The following LRGUK variants were observed in gnomAD, a reference collection of about 807,000 sequenced individuals.
LRGUK encodes the protein leucine rich repeats and guanylate kinase domain containing, also known as leucine-rich repeat and guanylate kinase domain-containing protein.
A neutral mutation model predicts 76.0 loss-of-function variants in LRGUK; 65 were observed. The observed-to-expected ratio is 0.85, with a 90% CI of 0.70 to 1.05. The LOEUF (loss-of-function observed/expected upper bound fraction) is 1.05, where lower values mean the gene tolerates loss of function less well. Ranked by LOEUF, LRGUK falls within the 50% of genes least tolerant of loss-of-function variation. The probability of loss-of-function intolerance (pLI) is 0.00; values close to 1 mark genes in which losing one functional copy is unlikely to be tolerated. For missense variants in LRGUK, 758 were observed against 732.8 expected, an observed-to-expected ratio of 1.03 and a Z score of -0.40; for synonymous variants, 268 against 265.6, an observed-to-expected ratio of 1.01 and a Z score of -0.09.
chr7:134,184,643 C>G (rs993840555), intron 11 of LRGUK, among the ~76,000 whole-genome samples: 1 of 152,192 alleles, frequency 6.6e-6, no homozygotes, highest in Non-Finnish European at 1.5e-5. Flanking sequence ...CTGCTTCCCC[C>G]ACCCACCACA....
chr7:134,261,686 G>A (rs557415218), intron 19 of LRGUK, among the ~76,000 whole-genome samples: 83 of 152,288 alleles, frequency 5.5e-4, no homozygotes, highest in Non-Finnish European at 1.0e-3. Flanking sequence ...AAGATACATT[G>A]TATCAGTGGT....
At chr7:134,247,619 C>A (rs904822938) in exon 17 of LRGUK, 5 of 1,613,430 alleles carry the variant, frequency 3.1e-6, no homozygotes, top group Non-Finnish European at 4.2e-6. Context: ...AAGGATACGC[C>A]CTGATCACAC....
intron 19 of LRGUK, among the ~76,000 whole-genome samples, chr7:134,259,246 G>A (rs1201315144): frequency 1.3e-5 from 2 of 152,164 alleles, no homozygotes; most frequent in Admixed American, 1.3e-4. Context: ...TCTGGGCTCC[G>A]CGGCAGTGTT....
intron 15 of LRGUK, among the ~76,000 whole-genome samples, chr7:134,217,133 T>G (rs1026132463): frequency 6.6e-6 from 1 of 151,410 alleles, no homozygotes; most frequent in African/African-American, 2.4e-5. Context: ...GTCAAGTAAC[T>G]ACTTCATTAA....
intron 12 of LRGUK, among the ~76,000 whole-genome samples, chr7:134,194,121 G>A (rs1350184133): frequency 6.6e-6 from 1 of 152,110 alleles, no homozygotes; most frequent in Non-Finnish European, 1.5e-5. Context: ...TATTTATTAG[G>A]AAATCCATAT....
At chr7:134,191,828 A>G (rs1585526790) in intron 12 of LRGUK, 77 bp downstream of exon 12, 2 of 1,012,930 alleles carry the variant, frequency 2.0e-6, no homozygotes, top group East Asian at 5.3e-5. Flanking sequence ...ATAGTTATAA[A>G]TAAAAAAAGG....
chr7:134,260,179 TCAC>T (rs1483047017), intron 19 of LRGUK, among the ~76,000 whole-genome samples: 1 of 152,012 alleles, frequency 6.6e-6, no homozygotes, highest in Non-Finnish European at 1.5e-5. Context: ...TATGGTATTA[TCAC>T]ATATAACTAT....
chr7:134,184,607 A>G lies in LRGUK; in HGVS notation c.1334+754A>G, dbSNP rs150020949. On this transcript the variant is annotated intron_variant, in intron 11 of 15. Coordinates refer to ENST00000645682, the Ensembl canonical transcript of LRGUK. ...TTTTCTTTTGTCAAGCAGACAGTAA[A>G]CATACAGCAATGACTCCCCTGCTCC... is the stretch of plus-strand genomic sequence containing the variant. Among the ~76,000 whole-genome samples, 552 of 152,176 alleles carry G rather than the reference A, an allele frequency of 3.6e-3. 3 individuals are homozygous for G. The highest frequency in any genetic ancestry group is 2.8e-3 in the Non-Finnish European group (191 of 67,996).
intron 16 of LRGUK, among the ~76,000 whole-genome samples, chr7:134,247,245 G>A (rs888235517): frequency 6.6e-6 from 1 of 152,090 alleles, no homozygotes. Flanking sequence ...GTACCTTTGA[G>A]AAGTTTATAA....
intron 16 of LRGUK, among the ~76,000 whole-genome samples, chr7:134,231,039 T>C (rs1403046765): frequency 1.3e-5 from 2 of 152,134 alleles, no homozygotes; most frequent in African/African-American, 2.4e-5. Flanking sequence ...ACTCTGGGAT[T>C]GGGTAGGATT....
At chr7:134,166,160 AC>A (rs1055551720) in intron 7 of LRGUK, among the ~76,000 whole-genome samples, 8 of 151,934 alleles carry the variant, frequency 5.3e-5, no homozygotes, top group African/African-American at 1.7e-4. Context: ...CAGAAACATA[AC>A]CTAGCTTCTG....
At chr7:134,221,072 TTA>T (rs1801581791) in intron 15 of LRGUK, among the ~76,000 whole-genome samples, 1 of 152,142 alleles carries the variant, frequency 6.6e-6, no homozygotes, top group African/African-American at 2.4e-5. Flanking sequence ...CAAAACAAAT[TTA>T]TGTTATATAT....
exon 10 of LRGUK, chr7:134,178,595 G>A (rs748170148): frequency 6.2e-7 from 1 of 1,612,208 alleles, no homozygotes; most frequent in South Asian, 1.1e-5. Flanking sequence ...TGCAGCCGCA[G>A]AGGATCTTTG....
Position 134,172,219 on chromosome 7 carries a change from A to G in LRGUK, c.940-2337A>G, listed in dbSNP as rs17167583. On this transcript the variant is annotated intron_variant, in intron 7 of 15. Transcript: ENST00000645682. ...CTACTATAGGACTGTACTGTTACCC[A>G]TTTAATTACAGGATCATGGTGTTCT... Among the ~76,000 whole-genome samples the G allele has an allele frequency of 0.019, 2,895 of 152,274 alleles. 131 individuals are homozygous for G. In the East Asian group the frequency reaches 0.19, roughly 10 times the overall value.
rs1356435598 is a variant in LRGUK, at chr7:134,130,296, C to CA, written c.297+2632_297+2633insA. 4.7e-4 allele frequency among the ~76,000 whole-genome samples: 72 copies of CA among 151,928 alleles called. No individual in the cohort carries two copies. In the Middle Eastern group the frequency reaches 0.014, roughly 29 times the overall value. On this transcript the variant is annotated intron_variant, in intron 1 of 15. Coordinates refer to ENST00000645682, the Ensembl canonical transcript of LRGUK. ...ATGGTTTCCACCAGCTTCCCCCCCC[C>CA]CCCAGAGGAATTCACAAATGAACCA...
At chr7:134,155,313 A>G (rs1798408792) in intron 5 of LRGUK, among the ~76,000 whole-genome samples, 1 of 152,188 alleles carries the variant, frequency 6.6e-6, no homozygotes, top group Non-Finnish European at 1.5e-5. Flanking sequence ...CTAGTTCCAG[A>G]ACAATTATTT....
At chr7:134,128,925 A>C (rs1333610129) in intron 1 of LRGUK, among the ~76,000 whole-genome samples, 1 of 152,090 alleles carries the variant, frequency 6.6e-6, no homozygotes, top group Non-Finnish European at 1.5e-5. Flanking sequence ...TAGATTCAAT[A>C]GTTTTTCTTA....
chr7:134,152,839 A>G (rs1798281093), intron 5 of LRGUK, among the ~76,000 whole-genome samples: 1 of 152,082 alleles, frequency 6.6e-6, no homozygotes, highest in Non-Finnish European at 1.5e-5. Context: ...ACACATTCAT[A>G]AGAGAAAGCA....
At chr7:134,196,939 A>G (rs1800509376) in intron 12 of LRGUK, 53 bp from the exon 13 acceptor site, 3 of 974,832 alleles carry the variant, frequency 3.1e-6, no homozygotes, top group Non-Finnish European at 4.8e-6. Flanking sequence ...GAGTTATGTA[A>G]ATTCCATGAT....
Sources: allele counts gnomAD v4.1 joint callset (sites outside exome capture counted in the v4.1 genomes callset), GRCh38; gene constraint gnomAD v4.1.1; transcripts MANE v1.5; gene names NCBI Gene and HGNC (gene_info 2026-07-23, HGNC 2026-07-21).